Variants in IDE observed in about 807,000 individuals in gnomAD.
The protein encoded by IDE is insulin-degrading enzyme.
IDE carries 58 observed loss-of-function variants against 133.2 expected under a neutral mutation model. The ratio of observed to expected loss-of-function variants is 0.44; its 90% CI spans 0.35 to 0.54. The LOEUF (loss-of-function observed/expected upper bound fraction) is 0.54, where lower values mean the gene tolerates loss of function less well. Among genes scored for constraint, IDE ranks in the 20% least tolerant of loss-of-function variants. The pLI, the probability that IDE is intolerant of heterozygous loss-of-function variation, is 0.00. For missense variants in IDE, 981 were observed against 1,234.0 expected, an observed-to-expected ratio of 0.79 and a Z score of 3.07; for synonymous variants, 396 against 421.3, an observed-to-expected ratio of 0.94 and a Z score of 0.73.
chr10:92,467,849 G>A (rs1845774627), intron 19 of IDE, among the ~76,000 whole-genome samples: 1 of 152,182 alleles, frequency 6.6e-6, no homozygotes, highest in Non-Finnish European at 1.5e-5. Flanking sequence ...TGGGCTCAAC[G>A]TATCTCTAAG....
intron 1 of IDE, among the ~76,000 whole-genome samples, chr10:92,539,271 A>G (rs1433355668): frequency 6.6e-6 from 1 of 152,114 alleles, no homozygotes; most frequent in Non-Finnish European, 1.5e-5. Flanking sequence ...TTAAAGATCA[A>G]CATATCACAC....
rs774276872 is a variant in IDE at position 92,506,499 on chromosome 10, C to T, written c.1269G>A (p.Arg423=). 13 of 1,584,122 alleles carry T rather than the reference C, an allele frequency of 8.2e-6. No homozygotes were observed. Among genetic ancestry groups the T allele is most frequent in the South Asian group, 1.1e-5 (1 of 89,768 alleles). The change falls in exon 10 of 25, where the codon AGG becomes AGA. Residue 423 remains arginine, a synonymous_variant. Coordinates refer to ENST00000265986, the MANE Select transcript of IDE (RefSeq NM_004969.4). The stretch of plus-strand genomic sequence containing the variant: ...CCCGTGGCCTCTCTTTGTCTTTAAA[C>T]CTAAAAGCAACAGCATTCAAGTCCT... ...ECKDLNAVAF[R]FKDKERPRGY...
At chr10:92,459,922 C>T (rs902566838) in intron 22 of IDE, among the ~76,000 whole-genome samples, 2 of 151,264 alleles carry the variant, frequency 1.3e-5, no homozygotes, top group Admixed American at 6.6e-5. Flanking sequence ...CTCCGCCTCC[C>T]GGGTTCAAGT....
At chr10:92,569,809 G>A (rs1280894474) in intron 1 of IDE, among the ~76,000 whole-genome samples, 2 of 152,152 alleles carry the variant, frequency 1.3e-5, no homozygotes, top group Non-Finnish European at 2.9e-5. Context: ...CAGATTGTGA[G>A]TCCTACTTTA....
At chr10:92,519,650 C>G (rs1849114378) in intron 4 of IDE, among the ~76,000 whole-genome samples, 1 of 152,152 alleles carries the variant, frequency 6.6e-6, no homozygotes, top group South Asian at 2.1e-4. Context: ...GGATATATGT[C>G]CAGGTGCTAA....
Position 92,508,099 on chromosome 10 carries a change from G to A in IDE, c.1153+14C>T. Reference sequence around the variant, plus strand: ...AATTTTCATTCAAAAGTAAAAAGGTGAATCAATACTTACATAATCCTTCCT... The same window carrying A: ...AATTTTCATTCAAAAGTAAAAAGGTAAATCAATACTTACATAATCCTTCCT... On this transcript the variant is annotated intron_variant, in intron 8 of 24. Coordinates refer to ENST00000265986, the MANE Select transcript of IDE (RefSeq NM_004969.4). The A allele has an allele frequency of 1.3e-6, 2 of 1,556,756 alleles. No individual in the cohort carries two copies. The highest frequency in any genetic ancestry group is 1.8e-6 in the Non-Finnish European group (2 of 1,133,396).
At chr10:92,511,531 T>A (rs894926039) in intron 5 of IDE, among the ~76,000 whole-genome samples, 2 of 152,202 alleles carry the variant, frequency 1.3e-5, no homozygotes. Context: ...CAAATAAGAT[T>A]CTTGCCTTGA....
In IDE at chr10:92,487,253, C is replaced by T. The variant is rs970192487; in HGVS notation, c.1599G>A (p.Thr533=). The change falls in exon 13 of 25, where the codon ACG becomes ACA. Residue 533 remains threonine, a synonymous_variant. Coordinates refer to ENST00000265986, the MANE Select transcript of IDE (RefSeq NM_004969.4). ...TTTCTAACGGTAAAATCTCAAAATT[C>T]GTAGGAATAAATTCATTCTTTGTAG... is the stretch of plus-strand genomic sequence containing the variant. ...KLPTKNEFIP[T]NFEILPLEKE... The T allele has an allele frequency of 2.9e-5, 47 of 1,612,956 alleles. No individual in the cohort carries two copies. The highest frequency in any genetic ancestry group is 3.3e-5 in the Non-Finnish European group (39 of 1,179,250).
intron 4 of IDE, among the ~76,000 whole-genome samples, chr10:92,523,382 A>G (rs1849334149): frequency 6.6e-6 from 1 of 151,918 alleles, no homozygotes; most frequent in Non-Finnish European, 1.5e-5. Flanking sequence ...CCCTGTCTCA[A>G]AGAAAGAAAA....
chr10:92,552,627 G>A (rs189595445), intron 1 of IDE, among the ~76,000 whole-genome samples: 23 of 152,030 alleles, frequency 1.5e-4, no homozygotes, highest in Admixed American at 6.5e-4. Flanking sequence ...GGGAGGCTGA[G>A]GCGAGCAGAT....
At chr10:92,454,658 GT>G in intron 24 of IDE, 119 bp from the exon 25 acceptor site, 1 of 707,916 alleles carries the variant, frequency 1.4e-6, no homozygotes, top group Non-Finnish European at 2.5e-6. Context: ...CTGTTTTTTT[GT>G]TTTGGCTTGA....
At chr10:92,568,089 G>C (rs1843636120) in intron 1 of IDE, among the ~76,000 whole-genome samples, 1 of 152,202 alleles carries the variant, frequency 6.6e-6, no homozygotes, top group Non-Finnish European at 1.5e-5. Flanking sequence ...ACTAGCAGCA[G>C]GGTGTTCTCA....
chr10:92,569,497 A>C (rs1165367138), intron 1 of IDE, among the ~76,000 whole-genome samples: 2 of 152,184 alleles, frequency 1.3e-5, no homozygotes, highest in East Asian at 3.8e-4. Context: ...GGCCTGAACT[A>C]GGATGGTGAT....
chr10:92,524,011 CAAACAAAA>C (rs1485735460), intron 4 of IDE, among the ~76,000 whole-genome samples: 2 of 151,210 alleles, frequency 1.3e-5, no homozygotes, highest in East Asian at 3.9e-4. Flanking sequence ...CATTGAGAGG[CAAACAAAA>C]AAACAAAATA....
At position 92,452,811 on chromosome 10, in the gene IDE, T is replaced by C. The variant is rs1005715049; in HGVS notation, c.*1633A>G. 2 of 152,182 alleles carry C rather than the reference T, an allele frequency of 1.3e-5. No individual in the cohort carries two copies. Among genetic ancestry groups the C allele is most frequent in the Non-Finnish European group, 2.9e-5 (2 of 68,038 alleles). The allele number at this position is 152,182 out of a possible 1,614,324, so 9.4% of individuals were successfully genotyped here. A position where few individuals can be genotyped will look rare whatever the true frequency, so the allele number is the denominator to read the frequency against. ...AATGAAAAGCTGCATAGTCTACAAA[T>C]ACATAAAACCAGAAGGAAGTGATGA... On this transcript the variant is annotated 3_prime_UTR_variant, in exon 25 of 25. Coordinates refer to ENST00000265986, the MANE Select transcript of IDE (RefSeq NM_004969.4).
rs953653932 is a variant in IDE, at chr10:92,451,858, G to A, written c.*2586C>T. The A allele has an allele frequency of 6.6e-6, 1 of 152,246 alleles. No individual in the cohort carries two copies. The highest frequency in any genetic ancestry group is 2.4e-5 in the African/African-American group (1 of 41,474). 9.4% of individuals were successfully genotyped at this position (152,246 alleles called of 1,614,324 possible). On this transcript the variant is annotated 3_prime_UTR_variant, in exon 25 of 25. Coordinates refer to ENST00000265986, the MANE Select transcript of IDE (RefSeq NM_004969.4). ...ATCTGCCTAAACTGCAGCTGGAGAT[G>A]TGGCAAGAAGATGTAAGGACTCATT... is the stretch of plus-strand genomic sequence containing the variant.
intron 14 of IDE, 151 bp from the exon 15 acceptor site, chr10:92,479,572 AAAG>A (rs1490382649): frequency 7.1e-5 from 44 of 623,168 alleles, no homozygotes; most frequent in South Asian, 6.0e-4. Flanking sequence ...TGAGGAAAAA[AAAG>A]AAGATGTCTG....
chr10:92,475,942 A>G lies in IDE; in HGVS notation c.1937T>C (p.Ile646Thr). The G allele has an allele frequency of 6.4e-7, 1 of 1,554,092 alleles. No homozygotes were observed. The highest frequency in any genetic ancestry group is 8.8e-7 in the Non-Finnish European group (1 of 1,136,106). ...AATCTCAAAGGTAGCCATTTTCTCAATAATCTTCTTTAGTAAAATTGGCTG... is the reference window on the plus strand; with the variant it reads ...AATCTCAAAGGTAGCCATTTTCTCAGTAATCTTCTTTAGTAAAATTGGCTG... ...DKQPILLKKI[I>T]EKMATFEIDE... is the part of the protein sequence containing the mutation. The change falls in exon 16 of 25, where the codon ATT (isoleucine) becomes ACT (threonine). Residue 646 changes from isoleucine to threonine, a missense_variant. Around this residue, in one of 2 missense-constraint regions of IDE, gnomAD observed 660 missense variants for 894.7 expected, o/e 0.74. Coordinates refer to ENST00000265986, the MANE Select transcript of IDE (RefSeq NM_004969.4).
At chr10:92,518,786 C>T (rs1445493663) in intron 4 of IDE, among the ~76,000 whole-genome samples, 1 of 152,126 alleles carries the variant, frequency 6.6e-6, no homozygotes, top group Admixed American at 6.5e-5. Context: ...AAAATACAAG[C>T]GGCAGAGATT....
Sources: gnomAD v4.1 joint callset for allele counts (sites outside exome capture counted in the v4.1 genomes callset) on GRCh38, gnomAD v4.1.1 for gene constraint, gnomAD v4.1.1 regional missense constraint, MANE v1.5 for transcripts, NCBI Gene and HGNC (gene_info 2026-07-23, HGNC 2026-07-21) for gene names.